Variants in SLC4A5 observed in about 807,000 individuals in gnomAD.
SLC4A5 encodes the protein solute carrier family 4 member 5, also known as electrogenic sodium bicarbonate cotransporter 4.
SLC4A5 carries 96 observed loss-of-function variants against 120.4 expected under a neutral mutation model. That is an observed-to-expected ratio of 0.80 (90% CI 0.68 to 0.94). The LOEUF (loss-of-function observed/expected upper bound fraction) is 0.94. Ranked by LOEUF, SLC4A5 falls within the 40% of genes least tolerant of loss-of-function variation. The pLI, the probability that SLC4A5 is intolerant of heterozygous loss-of-function variation, is 0.00. For missense variants in SLC4A5, 1,259 were observed against 1,459.5 expected (o/e 0.86, Z 2.24); for synonymous variants, 550 against 571.1 (o/e 0.96, Z 0.53).
exon 19 of SLC4A5, chr2:74,247,253 A>T (rs779764051): frequency 1.9e-6 from 3 of 1,614,066 alleles, no homozygotes; most frequent in Non-Finnish European, 2.5e-6. Flanking sequence ...GGCACTGGAC[A>T]GCTGAGTGTA....
intron 30 of SLC4A5, among the ~76,000 whole-genome samples, chr2:74,220,841 CTTTTTTT>C: frequency 8.5e-6 from 1 of 117,450 alleles, no homozygotes; most frequent in Non-Finnish European, 1.7e-5. Context: ...TATTTCCTTT[CTTTTTTT>C]TTTTTTTTTT....
chr2:74,240,726 C>T (rs533458713), intron 20 of SLC4A5, among the ~76,000 whole-genome samples: 14 of 150,336 alleles, frequency 9.3e-5, no homozygotes, highest in Non-Finnish European at 1.8e-4. Flanking sequence ...GATACGATCA[C>T]ACCACTACAT....
At chr2:74,292,221 A>T (rs1200610296) in intron 7 of SLC4A5, among the ~76,000 whole-genome samples, 2 of 152,160 alleles carry the variant, frequency 1.3e-5, no homozygotes, top group African/African-American at 4.8e-5. Flanking sequence ...TATTGCTATT[A>T]TTGTTGATGC....
chr2:74,260,712 C>G (rs1198331968), intron 11 of SLC4A5, among the ~76,000 whole-genome samples: 1 of 152,150 alleles, frequency 6.6e-6, no homozygotes, highest in Admixed American at 6.5e-5. Flanking sequence ...CCTCTCCATT[C>G]TGGAATGCAG....
intron 7 of SLC4A5, among the ~76,000 whole-genome samples, chr2:74,296,616 CAAAAAAAAA>C (rs1160532512): frequency 2.9e-4 from 14 of 47,486 alleles, no homozygotes; most frequent in African/African-American, 8.2e-4. Flanking sequence ...ACTAAAAATA[CAAAAAAAAA>C]AAAAAAAAAA....
chr2:74,341,135 T>A (rs1673615072), intron 2 of SLC4A5, among the ~76,000 whole-genome samples: 1 of 151,962 alleles, frequency 6.6e-6, no homozygotes, highest in African/African-American at 2.4e-5. Flanking sequence ...TGAAACCCCA[T>A]CTCTACTAAA....
At chr2:74,316,321 TAAAAAAAAAAAAAA>T (rs60481743) in intron 5 of SLC4A5, among the ~76,000 whole-genome samples, 2 of 51,170 alleles carry the variant, frequency 3.9e-5, no homozygotes, top group African/African-American at 6.1e-5. Context: ...AAAAGAGTTG[TAAAAAAAAAAAAAA>T]AAAAAAAAAA....
In SLC4A5 at chr2:74,237,678, C is replaced by T. The variant is rs377183130; in HGVS notation, c.2319+1657G>A. Among the ~76,000 whole-genome samples, 32 of 152,216 alleles carry T rather than the reference C, an allele frequency of 2.1e-4. 1 individual carries two copies. Among genetic ancestry groups the T allele is most frequent in the Admixed American group, 7.2e-4 (11 of 15,286 alleles). ...TTTAGGAGACTGCTAATGGAGTTTACGGTGGGAAAGAGTTGCTTAAATTCT... is the reference window on the plus strand; with the variant it reads ...TTTAGGAGACTGCTAATGGAGTTTATGGTGGGAAAGAGTTGCTTAAATTCT... On this transcript the variant is annotated intron_variant, in intron 21 of 30. Transcript: ENST00000394019.
chr2:74,307,584 T>C, intron 6 of SLC4A5: 1 of 693,146 alleles, frequency 1.4e-6, no homozygotes. Context: ...GTCCACAGTA[T>C]TTGCGAAGAT....
chr2:74,302,232 C>T (rs956095859), intron 7 of SLC4A5, among the ~76,000 whole-genome samples: 1 of 152,298 alleles, frequency 6.6e-6, no homozygotes, highest in East Asian at 1.9e-4. Flanking sequence ...CTTTCCTACT[C>T]CACAGCCCTG....
At chr2:74,264,012 G>T in intron 10 of SLC4A5, 135 bp downstream of exon 10, 1 of 1,177,330 alleles carries the variant, frequency 8.5e-7, no homozygotes. Flanking sequence ...GCCTGCCAGA[G>T]AAGGAGGCTG....
At chr2:74,300,701 T>C (rs1280938245) in intron 7 of SLC4A5, among the ~76,000 whole-genome samples, 3 of 152,182 alleles carry the variant, frequency 2.0e-5, no homozygotes, top group African/African-American at 7.2e-5. Flanking sequence ...CTCCCACCAA[T>C]TTATGCTTAT....
In SLC4A5 at chr2:74,255,858, G is replaced by A. The variant is rs1419223907; in HGVS notation, c.942C>T (p.Phe314=). Residue 314 remains phenylalanine (F), a synonymous_variant, in exon 13 of 31, where the codon TTC becomes TTT. Coordinates refer to ENST00000394019, the Ensembl canonical transcript of SLC4A5. The surrounding 1 kb of genome is among the most constrained non-coding windows in gnomAD (Gnocchi z 4.0). ...CGAACGCGATGAATGGCTGGTCTAG[G>A]AAGTCCACCTCGCCCACGAGCACGT... 4 of 1,614,164 alleles carry A rather than the reference G, an allele frequency of 2.5e-6. No individual in the cohort carries two copies. Among genetic ancestry groups the A allele is most frequent in the South Asian group, 1.1e-5 (1 of 91,080 alleles).
At chr2:74,325,900 G>C (rs1487040294) in intron 5 of SLC4A5, among the ~76,000 whole-genome samples, 1 of 149,962 alleles carries the variant, frequency 6.7e-6, no homozygotes, top group Admixed American at 6.7e-5. Flanking sequence ...GGGAAGGGAA[G>C]GGGAAAGGAA....
At chr2:74,303,064 T>TTG (rs1018020092) in intron 7 of SLC4A5, among the ~76,000 whole-genome samples, 39 of 149,870 alleles carry the variant, frequency 2.6e-4, no homozygotes, top group African/African-American at 9.1e-4. Flanking sequence ...AAGTGTTTTT[T>TTG]TGTGTGTGTG....
intron 8 of SLC4A5, among the ~76,000 whole-genome samples, chr2:74,277,421 C>T (rs1409967147): frequency 2.6e-5 from 4 of 152,052 alleles, no homozygotes; most frequent in Non-Finnish European, 4.4e-5. Flanking sequence ...TGGTGGTGGG[C>T]GCCTGTAATC....
intron 8 of SLC4A5, among the ~76,000 whole-genome samples, chr2:74,275,644 T>C (rs1433835878): frequency 6.6e-6 from 1 of 152,252 alleles, no homozygotes; most frequent in Non-Finnish European, 1.5e-5. Flanking sequence ...AGGAGACCTC[T>C]CTTTCCTCTA....
intron 6 of SLC4A5, among the ~76,000 whole-genome samples, chr2:74,311,953 AT>A (rs576067716): frequency 6.6e-6 from 1 of 151,756 alleles, no homozygotes; most frequent in African/African-American, 2.4e-5. Context: ...CAGTTTTGTC[AT>A]TTTTTTGCCT....
At chr2:74,233,044 A>G (rs1573008804) in intron 23 of SLC4A5, among the ~76,000 whole-genome samples, 2 of 152,072 alleles carry the variant, frequency 1.3e-5, no homozygotes, top group Admixed American at 6.5e-5. Context: ...CTGGGTGGGG[A>G]GTTGCAGAGA....
Sources: allele counts gnomAD v4.1 joint callset (sites outside exome capture counted in the v4.1 genomes callset), GRCh38; gene constraint gnomAD v4.1.1; non-coding constraint Gnocchi (gnomAD v3.1); transcripts MANE v1.5; gene names NCBI Gene and HGNC (gene_info 2026-07-23, HGNC 2026-07-21).